The following PRMT8 variants were observed in gnomAD, a reference collection of about 807,000 sequenced individuals.
The protein encoded by PRMT8 is protein arginine methyltransferase 8, also known as protein arginine N-methyltransferase 8.
In PRMT8, 7 loss-of-function variants were observed where a neutral mutation model predicts 47.1. The ratio of observed to expected loss-of-function variants is 0.15; its 90% CI spans 0.08 to 0.28. The LOEUF (loss-of-function observed/expected upper bound fraction) is 0.28. Among genes scored for constraint, PRMT8 ranks in the 10% least tolerant of loss-of-function variants. The probability of loss-of-function intolerance (pLI) is 1.00; values close to 1 mark genes in which losing one functional copy is unlikely to be tolerated. For synonymous variants in PRMT8, 188 were observed against 186.5 expected (o/e 1.01, Z -0.07); for missense variants, 237 against 505.4 (o/e 0.47, Z 5.09).
chr12:3,532,586 T>C (rs574557745), intron 1 of PRMT8, among the ~76,000 whole-genome samples: 3 of 108,436 alleles, frequency 2.8e-5, no homozygotes, highest in African/African-American at 7.3e-5. Flanking sequence ...CACTCCAGCC[T>C]GGGCGACAGA....
At chr12:3,448,044 G>C (rs776297051) in intron 1 of PRMT8, among the ~76,000 whole-genome samples, 2 of 152,210 alleles carry the variant, frequency 1.3e-5, no homozygotes, top group African/African-American at 2.4e-5. Context: ...CCAAGCTGGA[G>C]TGCAGTGGTG....
At chr12:3,553,538 G>A (rs1049526735) in intron 3 of PRMT8, 113 bp from the exon 4 acceptor site, 8 of 898,764 alleles carry the variant, frequency 8.9e-6, no homozygotes, top group South Asian at 2.8e-5. Flanking sequence ...TGATGCAGCC[G>A]TGGGCAAGTC....
intron 7 of PRMT8, among the ~76,000 whole-genome samples, chr12:3,581,369 C>T (rs1286908823): frequency 6.6e-6 from 1 of 152,124 alleles, no homozygotes; most frequent in Non-Finnish European, 1.5e-5. Context: ...TGAGTGTGAA[C>T]TTTCTTCATT....
chr12:3,565,179 T>A (rs1565443504), intron 4 of PRMT8, among the ~76,000 whole-genome samples: 1 of 152,200 alleles, frequency 6.6e-6, no homozygotes, highest in Non-Finnish European at 1.5e-5. Flanking sequence ...GCAGAATGCC[T>A]TACACATAAC....
Position 3,454,509 on chromosome 12 carries a change from G to A in PRMT8, c.48+73067G>A, listed in dbSNP as rs187501759. ...AAGGAAGGGAAACTAAACCACAAAA[G>A]AAGCCCGTCATGCCCAGCCCTGGAG... On this transcript the variant is annotated intron_variant, in intron 1 of 9. Transcript: ENST00000452611. 3.6e-3 allele frequency among the ~76,000 whole-genome samples: 551 copies of A among 152,242 alleles called. 15 individuals are homozygous for A. The highest frequency in any genetic ancestry group is 0.034 in the Admixed American group (520 of 15,286).
chr12:3,455,183 T>G (rs528846667), intron 1 of PRMT8, among the ~76,000 whole-genome samples: 427 of 152,296 alleles, frequency 2.8e-3, no homozygotes, highest in African/African-American at 9.0e-3. Context: ...GGTCTGTTAC[T>G]GTGCGGTGGG....
chr12:3,540,493 C>CT (rs1445156493), intron 1 of PRMT8, 113 bp from the exon 2 acceptor site: 1 of 710,662 alleles, frequency 1.4e-6, no homozygotes, highest in African/African-American at 1.8e-5. Context: ...GGAAGGGCTG[C>CT]TGTGGCTGCT....
At chr12:3,399,893 C>T (rs1003052264) in intron 1 of PRMT8, among the ~76,000 whole-genome samples, 1 of 152,152 alleles carries the variant, frequency 6.6e-6, no homozygotes, top group Non-Finnish European at 1.5e-5. Flanking sequence ...AATGACTATA[C>T]CCCAAGGCCA....
intron 1 of PRMT8, among the ~76,000 whole-genome samples, chr12:3,451,450 A>G (rs541142013): frequency 2.0e-5 from 3 of 152,198 alleles, no homozygotes; most frequent in Non-Finnish European, 4.4e-5. Context: ...GTTCATGTGC[A>G]GAAAAGATCC....
rs114320033 is a variant in PRMT8 at position 3,566,637 on chromosome 12, A to G, written c.482-2069A>G. Among the ~76,000 whole-genome samples the G allele has an allele frequency of 2.8e-3, 432 of 152,334 alleles. 5 individuals carry two copies. Among genetic ancestry groups the G allele is most frequent in the African/African-American group, 0.01 (421 of 41,566 alleles). On this transcript the variant is annotated intron_variant, in intron 4 of 9. Transcript: ENST00000382622. The surrounding 1 kb of genome is among the most constrained non-coding windows in gnomAD (Gnocchi z 4.7). ...CACCTGCATTATTCACTGTGAAGAAACTAAATAAAGCCAGCAAACGGTGTG... is the reference window on the plus strand; with the variant it reads ...CACCTGCATTATTCACTGTGAAGAAGCTAAATAAAGCCAGCAAACGGTGTG...
At chr12:3,400,258 C>T (rs1864303483) in intron 1 of PRMT8, among the ~76,000 whole-genome samples, 1 of 151,950 alleles carries the variant, frequency 6.6e-6, no homozygotes, top group African/African-American at 2.4e-5. Flanking sequence ...AATAGGTAGA[C>T]CACTAGTTAG....
intron 1 of PRMT8, among the ~76,000 whole-genome samples, chr12:3,382,920 C>T (rs1864106522): frequency 6.6e-6 from 1 of 152,118 alleles, no homozygotes; most frequent in Non-Finnish European, 1.5e-5. Flanking sequence ...GCTTTTTTCT[C>T]TTGTAGGAAT....
At chr12:3,394,289 G>C (rs375688913) in intron 1 of PRMT8, among the ~76,000 whole-genome samples, 5 of 152,290 alleles carry the variant, frequency 3.3e-5, no homozygotes, top group East Asian at 1.9e-4. Flanking sequence ...GTGTTGTGCC[G>C]GTTTTCAAAG....
chr12:3,439,883 G>A (rs900741862), intron 1 of PRMT8, among the ~76,000 whole-genome samples: 1 of 152,136 alleles, frequency 6.6e-6, no homozygotes, highest in African/African-American at 2.4e-5. Flanking sequence ...TGAGAATTAG[G>A]GGTTTCAAAC....
At chr12:3,438,152 C>A (rs893965903) in intron 1 of PRMT8, among the ~76,000 whole-genome samples, 1 of 152,140 alleles carries the variant, frequency 6.6e-6, no homozygotes, top group African/African-American at 2.4e-5. Flanking sequence ...GAGCTGCCAG[C>A]GCACCTGTGA....
chr12:3,528,061 A>G (rs895964219), intron 1 of PRMT8, among the ~76,000 whole-genome samples: 1 of 151,506 alleles, frequency 6.6e-6, no homozygotes, highest in Non-Finnish European at 1.5e-5. Flanking sequence ...ATCCCCCTCT[A>G]CCCCTGCCAC....
Position 3,580,564 on chromosome 12 carries a change from TTGCTGTGTATTAGG to T in PRMT8, c.829-2488_829-2475del, listed in dbSNP as rs1341196978. On this transcript the variant is annotated intron_variant, in intron 7 of 9. Coordinates refer to ENST00000382622, the MANE Select transcript of PRMT8 (RefSeq NM_019854.5). The surrounding 1 kb of genome is among the most constrained non-coding windows in gnomAD (Gnocchi z 4.6). ...AAGAAGATTGATGAGTCAACACATA[TTGCTGTGTATTAGG>T]TGCTGCTGTGCACTGAGGATACACA... is the stretch of plus-strand genomic sequence containing the variant. Among the ~76,000 whole-genome samples the T allele has an allele frequency of 6.6e-5, 10 of 152,198 alleles. No individual in the cohort carries two copies. Among genetic ancestry groups the T allele is most frequent in the African/African-American group, 2.2e-4 (9 of 41,536 alleles).
chr12:3,471,543 C>T (rs11615104), intron 1 of PRMT8, among the ~76,000 whole-genome samples: 6,971 of 151,820 alleles, frequency 0.046, 236 homozygotes, highest in Non-Finnish European at 0.067. Context: ...CTTCCCAGCA[C>T]GATGCCTCCT....
intron 1 of PRMT8, among the ~76,000 whole-genome samples, chr12:3,460,668 G>C (rs1235633082): frequency 1.3e-5 from 2 of 152,152 alleles, no homozygotes; most frequent in Non-Finnish European, 1.5e-5. Flanking sequence ...CCATTTTACA[G>C]AGCGAGGAAA....
Sources: gnomAD v4.1 joint callset for allele counts (sites outside exome capture counted in the v4.1 genomes callset) on GRCh38, gnomAD v4.1.1 for gene constraint, Gnocchi (gnomAD v3.1) non-coding constraint, MANE v1.5 for transcripts, NCBI Gene and HGNC (gene_info 2026-07-23, HGNC 2026-07-21) for gene names.